The following THRB variants were observed in gnomAD, a reference collection of about 807,000 sequenced individuals.
THRB encodes the protein nuclear receptor subfamily 1 group A member 2.
In THRB, 12 loss-of-function variants were observed where a neutral mutation model predicts 47.8. The observed-to-expected ratio is 0.25, with a 90% confidence interval of 0.16 to 0.41. The LOEUF is 0.41. Among genes scored for constraint, THRB ranks in the 10% least tolerant of loss-of-function variants. The pLI is 1.00. For missense variants in THRB, 348 were observed against 589.2 expected (o/e 0.59, Z 4.24); for synonymous variants, 218 against 212.2 (o/e 1.03, Z -0.24).
chr3:24,239,879 A>C (rs2049303604), intron 3 of THRB, among the ~76,000 whole-genome samples: 1 of 152,130 alleles, frequency 6.6e-6, no homozygotes. Flanking sequence ...TTAGTGTTTC[A>C]GTAATATTTT....
At chr3:24,408,983 AT>A (rs71057672) in intron 1 of THRB, among the ~76,000 whole-genome samples, 19,334 of 151,810 alleles carry the variant, frequency 0.13, 1,595 homozygotes, top group Middle Eastern at 0.23. Flanking sequence ...GTTGAAAAAA[AT>A]TTTTTTGGTA....
chr3:24,134,088 T>C (rs1292830101), intron 8 of THRB, among the ~76,000 whole-genome samples: 3 of 152,198 alleles, frequency 2.0e-5, no homozygotes, highest in Admixed American at 6.5e-5. Context: ...TAGTATTTAA[T>C]GTCCCTAGGG....
chr3:24,476,382 A>T (rs1311785002), intron 1 of THRB, among the ~76,000 whole-genome samples: 1 of 152,224 alleles, frequency 6.6e-6, no homozygotes, highest in African/African-American at 2.4e-5. Context: ...TTAAGTACTC[A>T]TTTAGGTTTG....
At chr3:24,393,859 T>G (rs960864741) in intron 1 of THRB, among the ~76,000 whole-genome samples, 8 of 152,144 alleles carry the variant, frequency 5.3e-5, no homozygotes, top group African/African-American at 1.9e-4. Flanking sequence ...CCATTTTTGC[T>G]AATGGCCTTT....
chr3:24,386,756 T>C (rs911422764), intron 1 of THRB, among the ~76,000 whole-genome samples: 3 of 152,142 alleles, frequency 2.0e-5, no homozygotes, highest in Non-Finnish European at 2.9e-5. Context: ...CTGGTTCAAA[T>C]CCAAGGGCTA....
intron 1 of THRB, among the ~76,000 whole-genome samples, chr3:24,437,801 C>T (rs2071118812): frequency 6.6e-6 from 1 of 151,878 alleles, no homozygotes; most frequent in Non-Finnish European, 1.5e-5. Flanking sequence ...GGCTCAAAAA[C>T]TAAATTTACC....
intron 2 of THRB, among the ~76,000 whole-genome samples, chr3:24,331,700 T>C (rs1381104010): frequency 1.3e-5 from 2 of 151,970 alleles, no homozygotes; most frequent in Non-Finnish European, 2.9e-5. Context: ...TGTGTGTGTG[T>C]ATGTTTAAAC....
At chr3:24,188,255 T>G (rs1387423464) in intron 5 of THRB, among the ~76,000 whole-genome samples, 1 of 152,192 alleles carries the variant, frequency 6.6e-6, no homozygotes, top group Non-Finnish European at 1.5e-5. Context: ...AGGATCACAA[T>G]AATAATGACA....
chr3:24,334,970 C>T (rs1001440964), intron 2 of THRB, among the ~76,000 whole-genome samples: 1 of 152,186 alleles, frequency 6.6e-6, no homozygotes, highest in East Asian at 1.9e-4. Flanking sequence ...GTGTTTCTCA[C>T]TTACGGAATT....
intron 5 of THRB, among the ~76,000 whole-genome samples, chr3:24,171,579 G>T (rs189651540): frequency 2.2e-4 from 33 of 152,278 alleles, no homozygotes; most frequent in Non-Finnish European, 4.3e-4. Flanking sequence ...AGCCGTTGAG[G>T]CCGTGACCCA....
intron 5 of THRB, among the ~76,000 whole-genome samples, chr3:24,171,428 C>T (rs1270587376): frequency 6.6e-6 from 1 of 152,158 alleles, no homozygotes; most frequent in East Asian, 1.9e-4. Flanking sequence ...CTTATGGAGG[C>T]TGAGACCTGT....
chr3:24,284,755 T>A (rs2055060636), intron 3 of THRB, among the ~76,000 whole-genome samples: 1 of 149,200 alleles, frequency 6.7e-6, no homozygotes, highest in South Asian at 2.1e-4. Context: ...AACAACCCCA[T>A]CAAAAAGTGG....
intron 2 of THRB, among the ~76,000 whole-genome samples, chr3:24,304,473 C>G (rs62253759): frequency 0.071 from 10,810 of 151,638 alleles, 387 homozygotes; most frequent in Non-Finnish European, 0.081. Flanking sequence ...CATAAGCTAT[C>G]TAGTATTAAT....
chr3:24,487,535 A>G (rs924215932), intron 1 of THRB, among the ~76,000 whole-genome samples: 2 of 152,212 alleles, frequency 1.3e-5, no homozygotes, highest in Non-Finnish European at 2.9e-5. Flanking sequence ...ATACAGCAGT[A>G]AAAGAAGCAA....
chr3:24,365,741 T>C (rs1354087351), intron 1 of THRB, among the ~76,000 whole-genome samples: 2 of 152,240 alleles, frequency 1.3e-5, no homozygotes, highest in South Asian at 2.1e-4. Flanking sequence ...AATTACTTTA[T>C]GGAAGTCTCA....
At chr3:24,246,156 C>T (rs2050095452) in intron 3 of THRB, among the ~76,000 whole-genome samples, 1 of 152,122 alleles carries the variant, frequency 6.6e-6, no homozygotes, top group Non-Finnish European at 1.5e-5. Context: ...TAGGATAGTA[C>T]CTTGCACATA....
Position 24,143,638 on chromosome 3 carries a change from G to T in THRB, c.601C>A (p.Arg201=). Residue 201 remains arginine (R), a synonymous_variant, in exon 8 of 11, where the codon CGG becomes AGG. Transcript: ENST00000646209. ...LIEENREKRR[R]EELQKSIGHK... Reference sequence around the variant, plus strand: ...CCGATGGACTTCTGCAGCTCTTCCCGCCGTCTTTTCTCCCGGTTCTCCTCT... The same window carrying T: ...CCGATGGACTTCTGCAGCTCTTCCCTCCGTCTTTTCTCCCGGTTCTCCTCT... 6.2e-7 allele frequency: 1 copy of T among 1,614,042 alleles called. No homozygotes were observed.
chr3:24,400,093 C>T (rs1398540128), intron 1 of THRB, among the ~76,000 whole-genome samples: 2 of 152,104 alleles, frequency 1.3e-5, no homozygotes, highest in African/African-American at 2.4e-5. Context: ...TGAGAGTTTG[C>T]TTGAGCCCTA....
chr3:24,302,299 G>A (rs977417386), intron 2 of THRB, among the ~76,000 whole-genome samples: 1 of 152,030 alleles, frequency 6.6e-6, no homozygotes, highest in Non-Finnish European at 1.5e-5. Flanking sequence ...TCAAGTACCT[G>A]GTAAAAGACA....
Sources: allele counts gnomAD v4.1 joint callset (sites outside exome capture counted in the v4.1 genomes callset), GRCh38; gene constraint gnomAD v4.1.1; transcripts MANE v1.5; gene names NCBI Gene and HGNC (gene_info 2026-07-23, HGNC 2026-07-21).